The following ARID1B variants were observed in gnomAD, a reference collection of about 807,000 sequenced individuals.
The protein encoded by ARID1B is AT-rich interactive domain-containing protein 1B.
Under a neutral mutation model 212.3 loss-of-function variants are expected in ARID1B, and 30 were observed. That is an observed-to-expected ratio of 0.14 (90% confidence interval 0.11 to 0.19). ARID1B has a LOEUF of 0.19. ARID1B is among the 10% of genes least tolerant of loss of function. The probability of loss-of-function intolerance (pLI) is 1.00; values close to 1 mark genes in which losing one functional copy is unlikely to be tolerated. For synonymous variants in ARID1B, 1,402 were observed against 1,301.7 expected (o/e 1.08, Z -1.66); for missense variants, 2,891 against 3,204.0 (o/e 0.90, Z 2.36).
At chr6:157,088,403 A>G (rs1458500947) in intron 5 of ARID1B, among the ~76,000 whole-genome samples, 1 of 152,188 alleles carries the variant, frequency 6.6e-6, no homozygotes, top group Admixed American at 6.5e-5. Context: ...ATATGCAGCT[A>G]TTTTAATGGA....
intron 4 of ARID1B, among the ~76,000 whole-genome samples, chr6:157,012,619 C>A (rs56791965): frequency 6.6e-6 from 1 of 152,192 alleles, no homozygotes; most frequent in African/African-American, 2.4e-5. Context: ...AGAGTAACAC[C>A]CAGGGGGCAA....
chr6:156,912,725 G>C (rs1302139559), intron 3 of ARID1B, among the ~76,000 whole-genome samples: 1 of 152,168 alleles, frequency 6.6e-6, no homozygotes, highest in Non-Finnish European at 1.5e-5. Context: ...CTTCTGTGAT[G>C]TACACACTCT....
intron 4 of ARID1B, among the ~76,000 whole-genome samples, chr6:156,961,671 C>T (rs1794385684): frequency 6.6e-6 from 1 of 152,186 alleles, no homozygotes; most frequent in Middle Eastern, 3.4e-3. Context: ...GTGTGAGCTG[C>T]GCTTACCACC....
chr6:156,911,338 GTTTTTT>G (rs57374747), intron 3 of ARID1B, among the ~76,000 whole-genome samples: 8 of 105,374 alleles, frequency 7.6e-5, no homozygotes, highest in African/African-American at 1.3e-4. Context: ...TAAATAATTA[GTTTTTT>G]TTTTTTTTTT....
chr6:157,168,027 T>C (rs1791452208), intron 9 of ARID1B: 1 of 152,290 alleles, frequency 6.6e-6, no homozygotes, highest in Admixed American at 6.5e-5. Flanking sequence ...AGCCAGTGTG[T>C]ATCCCGTGAT....
At chr6:156,813,409 A>G (rs539748242) in intron 1 of ARID1B, among the ~76,000 whole-genome samples, 2 of 151,842 alleles carry the variant, frequency 1.3e-5, no homozygotes, top group Admixed American at 1.3e-4. Flanking sequence ...CATTGCGCTC[A>G]GGCTATCCTG....
chr6:156,778,466 G>A lies in ARID1B; in HGVS notation c.786G>A (p.Leu262=), dbSNP rs2114975378. The A allele has an allele frequency of 1.5e-6, 2 of 1,326,328 alleles. No homozygotes were observed. Among genetic ancestry groups the A allele is most frequent in the East Asian group, 3.1e-5 (1 of 32,316 alleles). 82.2% of individuals were successfully genotyped at this position (1,326,328 alleles called of 1,614,324 possible). The change falls in exon 1 of 20, where the codon CTG becomes CTA. Residue 262 remains leucine (L), a synonymous_variant. Coordinates refer to ENST00000636930, the MANE Select transcript of ARID1B (RefSeq NM_001374828.1). ...CCGACCCCCCGGGCCCGCCGCTGCT[G>A]AGCAAGCCGGGCGACGAGGACGACG... ...GQADPPGPPL[L]SKPGDEDDAP...
chr6:156,850,188 A>G (rs1784490591), intron 2 of ARID1B, among the ~76,000 whole-genome samples: 1 of 151,798 alleles, frequency 6.6e-6, no homozygotes, highest in Non-Finnish European at 1.5e-5. Flanking sequence ...TTGAATTATC[A>G]CTTCATTTCT....
chr6:157,014,090 A>G (rs1006821687), intron 4 of ARID1B, among the ~76,000 whole-genome samples: 1 of 152,214 alleles, frequency 6.6e-6, no homozygotes, highest in African/African-American at 2.4e-5. Context: ...CTTAAAACGC[A>G]GCATGTATTT....
In ARID1B at chr6:157,207,144, G is replaced by C; in HGVS notation, c.6372G>C (p.Glu2124Asp). Residue 2124 changes from glutamate to aspartate, a missense_variant, in exon 20 of 20, where the codon GAG becomes GAC. Around this residue, in one of 7 missense-constraint regions of ARID1B, gnomAD observed 41 missense variants for 40.4 expected, o/e 1.01. Coordinates refer to ENST00000636930, the MANE Select transcript of ARID1B (RefSeq NM_001374828.1). This position sits in a 1 kb window ranked among gnomAD's most constrained non-coding sequence, Gnocchi z 8.5. ...APQTYEKEED[E>D]DKGVACSKDE... ...AGACCTATGAGAAAGAGGAGGATGA[G>C]GACAAGGGGGTGGCCTGCAGCAAAG... is the stretch of plus-strand genomic sequence containing the variant. 1 of 1,614,226 alleles carries C rather than the reference G, an allele frequency of 6.2e-7. No individual in the cohort carries two copies. Among genetic ancestry groups the C allele is most frequent in the Non-Finnish European group, 8.5e-7 (1 of 1,180,042 alleles).
chr6:156,978,264 G>T (rs548332394), intron 4 of ARID1B, among the ~76,000 whole-genome samples: 2 of 152,332 alleles, frequency 1.3e-5, no homozygotes, highest in African/African-American at 4.8e-5. Context: ...ATGTGTTCCA[G>T]GCAGTTTGCT....
intron 1 of ARID1B, among the ~76,000 whole-genome samples, chr6:156,796,836 G>T (rs925237228): frequency 3.2e-4 from 48 of 152,202 alleles, no homozygotes; most frequent in African/African-American, 1.2e-3. Context: ...CTAAGCCCTG[G>T]GGTGGGCGTA....
intron 2 of ARID1B, among the ~76,000 whole-genome samples, chr6:156,882,651 A>AT (rs1238616517): frequency 6.6e-6 from 1 of 152,118 alleles, no homozygotes; most frequent in African/African-American, 2.4e-5. Context: ...ACTCTTAGAC[A>AT]TTTTTCTGTG....
intron 6 of ARID1B, among the ~76,000 whole-genome samples, chr6:157,130,212 C>G (rs1484866212): frequency 6.6e-6 from 1 of 151,946 alleles, no homozygotes; most frequent in Non-Finnish European, 1.5e-5. Flanking sequence ...GCTTCCAAAC[C>G]CTTTGGCATG....
chr6:156,913,019 TTC>T (rs1307745064), intron 3 of ARID1B, among the ~76,000 whole-genome samples: 3 of 132,326 alleles, frequency 2.3e-5, no homozygotes, highest in Non-Finnish European at 3.4e-5. Context: ...TTTTCATACT[TTC>T]TTTTTTTTTT....
intron 4 of ARID1B, among the ~76,000 whole-genome samples, chr6:157,049,677 C>T (rs1039110076): frequency 6.6e-6 from 1 of 152,024 alleles, no homozygotes; most frequent in African/African-American, 2.4e-5. Context: ...CAAATGAATA[C>T]ATATTATTTA....
At chr6:157,112,873 G>T (rs1036177991) in intron 6 of ARID1B, among the ~76,000 whole-genome samples, 1 of 151,358 alleles carries the variant, frequency 6.6e-6, no homozygotes, top group Non-Finnish European at 1.5e-5. Context: ...TGTAGTTTGG[G>T]TAACTGATAC....
intron 4 of ARID1B, among the ~76,000 whole-genome samples, chr6:157,058,929 G>A (rs2128399977): frequency 6.6e-6 from 1 of 152,308 alleles, no homozygotes; most frequent in African/African-American, 2.4e-5. Flanking sequence ...CTCACAGACA[G>A]GCAGGAATGA....
chr6:156,940,162 T>C (rs1000564236), intron 4 of ARID1B: 2 of 152,242 alleles, frequency 1.3e-5, no homozygotes, highest in African/African-American at 4.8e-5. Context: ...CAGTTTGGAA[T>C]ACAATCAGTT....
Sources: allele counts gnomAD v4.1 joint callset (sites outside exome capture counted in the v4.1 genomes callset), GRCh38; gene constraint gnomAD v4.1.1; regional missense constraint gnomAD v4.1.1; non-coding constraint Gnocchi (gnomAD v3.1); transcripts MANE v1.5; gene names NCBI Gene and HGNC (gene_info 2026-07-23, HGNC 2026-07-21).